PLEKHM1: variants seen among roughly 807,000 people sequenced by gnomAD.
PLEKHM1 encodes pleckstrin homology domain-containing family M member 1.
Under a neutral mutation model 94.3 loss-of-function variants are expected in PLEKHM1, and 28 were observed. The observed-to-expected ratio is 0.30, with a 90% CI of 0.22 to 0.41. The LOEUF (loss-of-function observed/expected upper bound fraction) is 0.41, where lower values mean the gene tolerates loss of function less well. Among genes scored for constraint, PLEKHM1 ranks in the 10% least tolerant of loss-of-function variants. The probability of loss-of-function intolerance (pLI) is 1.00; values close to 1 mark genes in which losing one functional copy is unlikely to be tolerated. For synonymous variants in PLEKHM1, 424 were observed against 581.2 expected, an observed-to-expected ratio of 0.73 and a Z score of 3.89; for missense variants, 907 against 1,358.6, an observed-to-expected ratio of 0.67 and a Z score of 5.22.
intron 2 of PLEKHM1, among the ~76,000 whole-genome samples, chr17:45,481,425 T>C (rs2145347461): frequency 6.6e-6 from 1 of 151,306 alleles, no homozygotes; most frequent in South Asian, 2.1e-4. Flanking sequence ...ATTTTAAATG[T>C]TCTTTTAAAA....
intron 9 of PLEKHM1, among the ~76,000 whole-genome samples, chr17:45,443,778 G>A (rs1354453179): frequency 2.6e-5 from 4 of 152,138 alleles, no homozygotes; most frequent in Non-Finnish European, 5.9e-5. Context: ...GTGGGCAGGA[G>A]GATAGTCTCT....
chr17:45,470,466 T>TA (rs2051465166), intron 4 of PLEKHM1, among the ~76,000 whole-genome samples: 1 of 152,294 alleles, frequency 6.6e-6, no homozygotes. Context: ...CTGTTTCTAA[T>TA]AAAAATACAA....
At position 45,454,219 on chromosome 17, in the gene PLEKHM1, C is replaced by T. The variant is rs143564034; in HGVS notation, c.1633G>A (p.Gly545Arg). Reference protein sequence around the residue: ...LMKLGTVERRGAMGIWKELFC... With the variant: ...LMKLGTVERRRAMGIWKELFC... ...AGCTCCTTCCAGATGCCCATTGCCC[C>T]CCGCCGCTCCACGGTGCCCAGCTTC... Residue 545 changes from glycine to arginine, a missense_variant, in exon 7 of 12, where the codon GGG becomes AGG. This residue lies in a region of PLEKHM1 where 477 missense variants were observed against 601.5 expected (regional missense o/e 0.79). Transcript: ENST00000430334. The T allele has an allele frequency of 4.6e-5, 74 of 1,611,068 alleles. No homozygotes were observed. In the African/African-American group the frequency reaches 8.1e-4, roughly 18 times the overall value.
intron 11 of PLEKHM1, 50 bp downstream of exon 11, chr17:45,439,427 G>T: frequency 6.2e-7 from 1 of 1,605,298 alleles, no homozygotes; most frequent in Non-Finnish European, 8.5e-7. Flanking sequence ...CAGGCTGTGG[G>T]TGTGGGGAAG....
At chr17:45,470,919 G>A (rs1373143590) in intron 4 of PLEKHM1, among the ~76,000 whole-genome samples, 1 of 151,878 alleles carries the variant, frequency 6.6e-6, no homozygotes, top group Non-Finnish European at 1.5e-5. Flanking sequence ...GCCTGCTTTG[G>A]CCTCACAAAG....
chr17:45,453,164 G>C lies in PLEKHM1; in HGVS notation c.2497+191C>G. 1.5e-6 allele frequency: 1 copy of C among 646,578 alleles called. No individual in the cohort carries two copies. The highest frequency in any genetic ancestry group is 2.8e-6 in the Non-Finnish European group (1 of 358,520). 40.1% of individuals were successfully genotyped at this position (646,578 alleles called of 1,614,324 possible). ...GGTGAGCAGGGCCCACTGCCTATGAGCAGGGCACTGGCCCCAGCCGGGGCT... is the reference window on the plus strand; with the variant it reads ...GGTGAGCAGGGCCCACTGCCTATGACCAGGGCACTGGCCCCAGCCGGGGCT... On this transcript the variant is annotated intron_variant, in intron 7 of 11. Transcript: ENST00000430334. This position sits in a 1 kb window ranked among gnomAD's most constrained non-coding sequence, Gnocchi z 4.1.
At chr17:45,448,629 C>T (rs1047082337) in intron 8 of PLEKHM1, among the ~76,000 whole-genome samples, 10 of 152,166 alleles carry the variant, frequency 6.6e-5, no homozygotes, top group African/African-American at 2.4e-4. Context: ...TGACAGGCCC[C>T]AGGGAGAGAA....
At chr17:45,446,980 G>A (rs550450238) in intron 8 of PLEKHM1, among the ~76,000 whole-genome samples, 5 of 152,310 alleles carry the variant, frequency 3.3e-5, no homozygotes, top group South Asian at 2.1e-4. Context: ...GCTTTGGCCC[G>A]GCACTCGGCA....
At chr17:45,467,306 A>G (rs1186325978) in intron 5 of PLEKHM1, among the ~76,000 whole-genome samples, 1 of 152,188 alleles carries the variant, frequency 6.6e-6, no homozygotes, top group Admixed American at 6.5e-5. Flanking sequence ...TTCTTTTATC[A>G]TACTAAGTTA....
At chr17:45,456,791 G>A (rs1179833590) in intron 6 of PLEKHM1, among the ~76,000 whole-genome samples, 1 of 152,216 alleles carries the variant, frequency 6.6e-6, no homozygotes, top group African/African-American at 2.4e-5. Context: ...GTTTTGAAGA[G>A]GAAACCCATC....
At chr17:45,482,712 G>A (rs1249846601) in intron 1 of PLEKHM1, among the ~76,000 whole-genome samples, 187 bp from the exon 2 acceptor site, 1 of 152,162 alleles carries the variant, frequency 6.6e-6, no homozygotes, top group African/African-American at 2.4e-5. Flanking sequence ...AAGCCCAGGG[G>A]GCTTAGTCGT....
At position 45,436,963 on chromosome 17, in the gene PLEKHM1, T is replaced by A; in HGVS notation, c.*895A>T. 1 of 447,882 alleles carries A rather than the reference T, an allele frequency of 2.2e-6. No individual in the cohort carries two copies. Among genetic ancestry groups the A allele is most frequent in the South Asian group, 1.6e-5 (1 of 64,348 alleles). The allele number at this position is 447,882 out of a possible 1,614,324, so 27.7% of individuals were successfully genotyped here. A position where few individuals can be genotyped will look rare whatever the true frequency, so the allele number is the denominator to read the frequency against. On this transcript the variant is annotated 3_prime_UTR_variant, in exon 12 of 12. Coordinates refer to ENST00000430334, the MANE Select transcript of PLEKHM1 (RefSeq NM_014798.3). ...CACCCACCAAGGTGGGCCTGGAGCATCTGCAGCAGCGCCCCTGTCTGTAGA... is the reference window on the plus strand; with the variant it reads ...CACCCACCAAGGTGGGCCTGGAGCAACTGCAGCAGCGCCCCTGTCTGTAGA...
rs773590096 is a variant in PLEKHM1, at chr17:45,440,180, C to A, written c.2884G>T (p.Val962Phe). The change falls in exon 10 of 12, where the codon GTT becomes TTT. Residue 962 changes from valine (V) to phenylalanine (F), a missense_variant. By Grantham distance (50) the Val-to-Phe change is conservative. Transcript: ENST00000430334. ...YLLESPHRFS[V>F]ADLQQIADGV... is the part of the protein sequence containing the mutation. ...ACTCTTACCTGTTGGAGGTCAGCAA[C>A]ACTGAACCTATGCGGAGATTCCAAG... 1.4e-4 allele frequency: 219 copies of A among 1,613,934 alleles called. 1 individual carries two copies. In the East Asian group the frequency reaches 4.8e-3, roughly 36 times the overall value.
rs776011413 is a variant in PLEKHM1 at position 45,436,247 on chromosome 17, G to A, written c.*1611C>T. ...ATGGGGCAATGAGGGCTCTGACTAG[G>A]CTGGGCTTGTGGTGGAGCGTTAATG... On this transcript the variant is annotated 3_prime_UTR_variant, in exon 12 of 12. Coordinates refer to ENST00000430334, the MANE Select transcript of PLEKHM1 (RefSeq NM_014798.3). The A allele has an allele frequency of 2.2e-6, 1 of 454,222 alleles. No homozygotes were observed. The highest frequency in any genetic ancestry group is 2.0e-5 in the African/African-American group (1 of 50,026). The allele number at this position is 454,222 out of a possible 1,614,324, so 28.1% of individuals were successfully genotyped here. A position where few individuals can be genotyped will look rare whatever the true frequency, so the allele number is the denominator to read the frequency against.
rs748292197 is a variant in PLEKHM1 at position 45,445,308 on chromosome 17, T to C, written c.2837+162A>G. On this transcript the variant is annotated intron_variant, in intron 9 of 11. Transcript: ENST00000430334. The surrounding 1 kb of genome is among the most constrained non-coding windows in gnomAD (Gnocchi z 4.2). Reference sequence around the variant, plus strand: ...GTGTGTACATTTGTGCACATGTGCATGGGTGTGGATGTCTATGCATTTGTG... The same window carrying C: ...GTGTGTACATTTGTGCACATGTGCACGGGTGTGGATGTCTATGCATTTGTG... 1.1e-4 allele frequency among the ~76,000 whole-genome samples: 16 copies of C among 152,218 alleles called. No individual in the cohort carries two copies. Among genetic ancestry groups the C allele is most frequent in the Non-Finnish European group, 2.4e-4 (16 of 68,034 alleles).
intron 3 of PLEKHM1, chr17:45,477,533 G>A (rs562546186): frequency 5.6e-6 from 2 of 359,324 alleles, no homozygotes; most frequent in African/African-American, 4.2e-5. Context: ...GGGCCAGATA[G>A]TATATTCTTC....
At chr17:45,480,516 AAAC>A (rs1299982021) in intron 2 of PLEKHM1, among the ~76,000 whole-genome samples, 8 of 152,124 alleles carry the variant, frequency 5.3e-5, no homozygotes, top group African/African-American at 1.9e-4. Flanking sequence ...ACAAAAAAAC[AAAC>A]AAAAAAAACG....
chr17:45,475,276 G>T lies in PLEKHM1; in HGVS notation c.747C>A (p.Ala249=). The T allele has an allele frequency of 6.2e-7, 1 of 1,613,988 alleles. No homozygotes were observed. The highest frequency in any genetic ancestry group is 2.2e-5 in the East Asian group (1 of 44,880). Residue 249 remains alanine (A), a synonymous_variant, in exon 4 of 12, where the codon GCC becomes GCA. Coordinates refer to ENST00000430334, the MANE Select transcript of PLEKHM1 (RefSeq NM_014798.3). ...HKIRRNQKLT[A]SSLSLDTASS... ...TGGCCGTGTCCAGGCTGAGGGAGGA[G>T]GCAGTCAGCTTCTGGTTCCTCCGTA...
In PLEKHM1 at chr17:45,464,940, T is replaced by C. The variant is rs141011660; in HGVS notation, c.1308+3269A>G. Among the ~76,000 whole-genome samples the C allele has an allele frequency of 4.0e-3, 602 of 152,188 alleles. 1 individual carries two copies. Among genetic ancestry groups the C allele is most frequent in the African/African-American group, 0.014 (564 of 41,560 alleles). On this transcript the variant is annotated intron_variant, in intron 5 of 11. Transcript: ENST00000430334. ...CCCTTGACTTATCTTTGTTACTTTA[T>C]ATTAAAGACATTGGGATGGTCATGA...
Sources: gnomAD v4.1 joint callset for allele counts (sites outside exome capture counted in the v4.1 genomes callset) on GRCh38, gnomAD v4.1.1 for gene constraint, gnomAD v4.1.1 regional missense constraint, Gnocchi (gnomAD v3.1) non-coding constraint, MANE v1.5 for transcripts, NCBI Gene and HGNC (gene_info 2026-07-23, HGNC 2026-07-21) for gene names.